Variants in BRIP1 observed in about 807,000 individuals in gnomAD.
BRIP1 encodes BRCA1 interacting DNA helicase 1.
A neutral mutation model predicts 119.7 loss-of-function variants in BRIP1; 88 were observed. That is an observed-to-expected ratio of 0.74 (90% confidence interval 0.62 to 0.88). The LOEUF (loss-of-function observed/expected upper bound fraction) is 0.88, where lower values mean the gene tolerates loss of function less well. Ranked by LOEUF, BRIP1 falls within the 40% of genes least tolerant of loss-of-function variation. BRIP1 has a pLI of 0.00. For synonymous variants in BRIP1, 443 were observed against 496.5 expected, an observed-to-expected ratio of 0.89 and a Z score of 1.43; for missense variants, 1,259 against 1,455.4, an observed-to-expected ratio of 0.87 and a Z score of 2.20.
intron 14 of BRIP1, among the ~76,000 whole-genome samples, chr17:61,765,815 A>G (rs932158025): frequency 1.5e-5 from 2 of 129,268 alleles, no homozygotes; most frequent in African/African-American, 6.3e-5. Context: ...AAGTACATAA[A>G]TGACTATATT....
rs1375764917 is a variant in BRIP1 at position 61,680,033 on chromosome 17, A to G, written c.*3263T>C. 6.6e-6 allele frequency among the ~76,000 whole-genome samples: 1 copy of G among 152,116 alleles called. No homozygotes were observed. The highest frequency in any genetic ancestry group is 2.4e-5 in the African/African-American group (1 of 41,424). On this transcript the variant is annotated 3_prime_UTR_variant, in exon 20 of 20. Coordinates refer to ENST00000259008, the MANE Select transcript of BRIP1 (RefSeq NM_032043.3). ...AAAATTTTTAACTTCAGGGAGAATT[A>G]AATTTTGGAAAGAATAAAAAATATC...
chr17:61,799,048 A>AT lies in BRIP1; in HGVS notation c.1340+51dup, dbSNP rs2077944423. 1 of 1,523,604 alleles carries AT rather than the reference A, an allele frequency of 6.6e-7. No homozygotes were observed. The highest frequency in any genetic ancestry group is 1.4e-5 in the African/African-American group (1 of 73,070). The allele number at this position is 1,523,604 out of a possible 1,614,324, so 94.4% of individuals were successfully genotyped here. On this transcript the variant is annotated intron_variant, in intron 9 of 19. Coordinates refer to ENST00000259008, the MANE Select transcript of BRIP1 (RefSeq NM_032043.3). This position sits in a 1 kb window ranked among gnomAD's most constrained non-coding sequence, Gnocchi z 5.1. ...TTTAAATACTCTGGCATAATCAAAC[A>AT]TATTTTTCATATAAAGGCAGCACAA...
At position 61,853,627 on chromosome 17, in the gene BRIP1, G is replaced by C. The variant is rs1033964231; in HGVS notation, c.379+3431C>G. On this transcript the variant is annotated intron_variant, in intron 4 of 19. Transcript: ENST00000259008. The surrounding 1 kb of genome is among the most constrained non-coding windows in gnomAD (Gnocchi z 4.3). ...AACTCATTGTTGATAAAGACACAAAGGCAATGTAGTGGATAAAGGATAGCC... is the reference window on the plus strand; with the variant it reads ...AACTCATTGTTGATAAAGACACAAACGCAATGTAGTGGATAAAGGATAGCC... Among the ~76,000 whole-genome samples, 4 of 152,056 alleles carry C rather than the reference G, an allele frequency of 2.6e-5. No homozygotes were observed. The highest frequency in any genetic ancestry group is 1.3e-4 in the Admixed American group (2 of 15,252).
chr17:61,859,701 G>A, intron 3 of BRIP1, 95 bp downstream of exon 3: 1 of 804,174 alleles, frequency 1.2e-6, no homozygotes, highest in South Asian at 1.4e-5. Flanking sequence ...ATTTAAGTTA[G>A]CGACAGCATG....
intron 3 of BRIP1, among the ~76,000 whole-genome samples, chr17:61,858,674 T>C (rs1471287942): frequency 6.6e-6 from 1 of 152,052 alleles, no homozygotes. Context: ...TGCCCAGCCT[T>C]AATATACTCT....
rs1064794095 is a variant in BRIP1, at chr17:61,780,346, A to G, written c.1850T>C (p.Leu617Ser). The G allele has an allele frequency of 1.9e-6, 3 of 1,610,748 alleles. No homozygotes were observed. The highest frequency in any genetic ancestry group is 1.1e-5 in the South Asian group (1 of 91,004). Residue 617 changes from leucine to serine, a missense_variant, in exon 13 of 20, where the codon TTA becomes TCA. By Grantham distance (145) the Leu-to-Ser change is moderately radical (BLOSUM62 -2). Around this residue, in one of 3 missense-constraint regions of BRIP1, gnomAD observed 753 missense variants for 891.8 expected, o/e 0.84. Transcript: ENST00000259008. This position sits in a 1 kb window ranked among gnomAD's most constrained non-coding sequence, Gnocchi z 5.4. ...TGACGAAAAGGATTTCATTGGTGATAATGTACCAGATGTCAAAACAATGGT... is the reference window on the plus strand; with the variant it reads ...TGACGAAAAGGATTTCATTGGTGATGATGTACCAGATGTCAAAACAATGGT... The part of the protein sequence containing the change: ...VQTIVLTSGT[L>S]SPMKSFSSEL...
Position 61,731,981 on chromosome 17 carries a change from C to CTTTTTTTTT in BRIP1, c.2379+11023_2379+11031dup, listed in dbSNP as rs71299809. ...TTTTCTTTTCTTTCTTTCTTTCTTT[C>CTTTTTTTTT]TTTTTTTTTTTTTTTTTTTTTTGAG... On this transcript the variant is annotated intron_variant, in intron 16 of 19. Transcript: ENST00000259008. Among the ~76,000 whole-genome samples, 338 of 83,026 alleles carry CTTTTTTTTT rather than the reference C, an allele frequency of 4.1e-3. 2 individuals are homozygous for CTTTTTTTTT. The highest frequency in any genetic ancestry group is 0.021 in the Middle Eastern group (2 of 96). The allele number at this position is 83,026 out of a possible 152,430, so 54.5% of individuals were successfully genotyped here. A position where few individuals can be genotyped will look rare whatever the true frequency, so the allele number is the denominator to read the frequency against.
rs1013209630 is a variant in BRIP1, at chr17:61,700,391, A to C, written c.2493-6879T>G. The stretch of plus-strand genomic sequence containing the variant: ...TTCTCGTAGGACAAGTTTGCTACAG[A>C]GTAATTCTCTTGGTTTTTGTTTATT... On this transcript the variant is annotated intron_variant, in intron 17 of 19. Coordinates refer to ENST00000259008, the MANE Select transcript of BRIP1 (RefSeq NM_032043.3). This position sits in a 1 kb window ranked among gnomAD's most constrained non-coding sequence, Gnocchi z 4.1. 2.0e-5 allele frequency among the ~76,000 whole-genome samples: 3 copies of C among 152,134 alleles called. No homozygotes were observed. Among genetic ancestry groups the C allele is most frequent in the African/African-American group, 7.2e-5 (3 of 41,428 alleles).
Position 61,693,438 on chromosome 17 carries a change from T to C in BRIP1, c.2567A>G (p.Tyr856Cys), listed in dbSNP as rs781556845. The C allele has an allele frequency of 3.7e-6, 6 of 1,612,758 alleles. No homozygotes were observed. In the African/African-American group the frequency reaches 6.7e-5, roughly 18 times the overall value. Residue 856 changes from tyrosine (Y) to cysteine (C), a missense_variant, in exon 18 of 20, where the codon TAT becomes TGT. Tyr to Cys is a radical substitution (Grantham distance 194). Around this residue, in one of 3 missense-constraint regions of BRIP1, gnomAD observed 753 missense variants for 891.8 expected, o/e 0.84. Transcript: ENST00000259008. The surrounding 1 kb of genome is among the most constrained non-coding windows in gnomAD (Gnocchi z 4.2). The part of the protein sequence containing the change: ...DDRFRNNPSR[Y>C]ISGLSKWVRQ... ...CCCAGCTGAGATCTTACCAGATATATAGCGACTTGGGTTATTCCTAAAGCG... is the reference window on the plus strand; with the variant it reads ...CCCAGCTGAGATCTTACCAGATATACAGCGACTTGGGTTATTCCTAAAGCG...
At position 61,784,434 on chromosome 17, in the gene BRIP1, A is replaced by G. The variant is rs1555603645; in HGVS notation, c.1474-10T>C. The G allele has an allele frequency of 6.2e-7, 1 of 1,609,388 alleles. No homozygotes were observed. Among genetic ancestry groups the G allele is most frequent in the Non-Finnish European group, 8.5e-7 (1 of 1,176,298 alleles). On this transcript the variant is annotated splice_polypyrimidine_tract_variant and intron_variant, in intron 10 of 19. Transcript: ENST00000259008. ...CAGCAGAAAAATGTCCCTATAAGAA[A>G]TTACCATATTAAGTATAGAGGGGTT...
chr17:61,743,271 A>G lies in BRIP1; in HGVS notation c.2258-137T>C. The stretch of plus-strand genomic sequence containing the variant: ...TCAAAATAAAACACTATTATGAGAT[A>G]AAGTTTTAAAAGTTCAATGTCTTTA... On this transcript the variant is annotated intron_variant, in intron 15 of 19. Coordinates refer to ENST00000259008, the MANE Select transcript of BRIP1 (RefSeq NM_032043.3). This position sits in a 1 kb window ranked among gnomAD's most constrained non-coding sequence, Gnocchi z 4.3. 8.7e-7 allele frequency: 1 copy of G among 1,145,300 alleles called. No individual in the cohort carries two copies. Among genetic ancestry groups the G allele is most frequent in the Non-Finnish European group, 1.2e-6 (1 of 801,026 alleles). 70.9% of individuals were successfully genotyped at this position (1,145,300 alleles called of 1,614,324 possible). A position where few individuals can be genotyped will look rare whatever the true frequency, so the allele number is the denominator to read the frequency against.
Position 61,691,767 on chromosome 17 carries a change from A to T in BRIP1, c.2575+1663T>A, listed in dbSNP as rs2061449871. Among the ~76,000 whole-genome samples, 1 of 152,160 alleles carries T rather than the reference A, an allele frequency of 6.6e-6. No homozygotes were observed. ...CCATGCCCGGCTGCAATCTAAATTC[A>T]TATGGAACCACAAAGGACCACAAAT... is the stretch of plus-strand genomic sequence containing the variant. On this transcript the variant is annotated intron_variant, in intron 18 of 19. Transcript: ENST00000259008. The surrounding 1 kb of genome is among the most constrained non-coding windows in gnomAD (Gnocchi z 5.0).
In BRIP1 at chr17:61,805,177, T is replaced by C. The variant is rs1433106072; in HGVS notation, c.918+3290A>G. 1.3e-5 allele frequency among the ~76,000 whole-genome samples: 2 copies of C among 152,146 alleles called. No homozygotes were observed. Among genetic ancestry groups the C allele is most frequent in the Non-Finnish European group, 2.9e-5 (2 of 68,036 alleles). On this transcript the variant is annotated intron_variant, in intron 7 of 19. Coordinates refer to ENST00000259008, the MANE Select transcript of BRIP1 (RefSeq NM_032043.3). The surrounding 1 kb of genome is among the most constrained non-coding windows in gnomAD (Gnocchi z 5.6). Reference sequence around the variant, plus strand: ...CAATACATACACAAATGTATCTAGATATTGCTAGAAACAAAGTAAACCATA... The same window carrying C: ...CAATACATACACAAATGTATCTAGACATTGCTAGAAACAAAGTAAACCATA...
chr17:61,705,980 C>T lies in BRIP1; in HGVS notation c.2492+9971G>A, dbSNP rs2061685127. On this transcript the variant is annotated intron_variant, in intron 17 of 19. Coordinates refer to ENST00000259008, the MANE Select transcript of BRIP1 (RefSeq NM_032043.3). This position sits in a 1 kb window ranked among gnomAD's most constrained non-coding sequence, Gnocchi z 5.0. ...GTCATCTATATCTTTATTAGTTTGT[C>T]TACTAGTTCTGTTATTGAGAGGAAT... Among the ~76,000 whole-genome samples the T allele has an allele frequency of 6.6e-6, 1 of 152,074 alleles. No individual in the cohort carries two copies. The highest frequency in any genetic ancestry group is 2.1e-4 in the South Asian group (1 of 4,834).
At chr17:61,772,209 A>AT (rs1567804821) in intron 14 of BRIP1, among the ~76,000 whole-genome samples, 26 of 104,124 alleles carry the variant, frequency 2.5e-4, no homozygotes, top group Admixed American at 1.3e-3. Flanking sequence ...ATATATATAT[A>AT]AAATGAAATA....
chr17:61,791,016 C>A (rs2145214468), intron 10 of BRIP1, among the ~76,000 whole-genome samples: 1 of 152,236 alleles, frequency 6.6e-6, no homozygotes, highest in South Asian at 2.1e-4. Context: ...AAAATTCTTA[C>A]AATAGATACC....
chr17:61,830,819 TACAGA>T (rs2078482533), intron 6 of BRIP1, among the ~76,000 whole-genome samples: 1 of 152,162 alleles, frequency 6.6e-6, no homozygotes, highest in Non-Finnish European at 1.5e-5. Context: ...ATAAAGACAT[TACAGA>T]AAACTATAGA....
rs1217856642 is a variant in BRIP1, at chr17:61,736,725, G to C, written c.2379+6288C>G. On this transcript the variant is annotated intron_variant, in intron 16 of 19. Transcript: ENST00000259008. This position sits in a 1 kb window ranked among gnomAD's most constrained non-coding sequence, Gnocchi z 4.4. Reference sequence around the variant, plus strand: ...ACATTTATTAAACACTGTGTTTTTAGGTAATATCTTAGTTGTAGAGACACA... The same window carrying C: ...ACATTTATTAAACACTGTGTTTTTACGTAATATCTTAGTTGTAGAGACACA... Among the ~76,000 whole-genome samples, 4 of 152,062 alleles carry C rather than the reference G, an allele frequency of 2.6e-5. No individual in the cohort carries two copies. Among genetic ancestry groups the C allele is most frequent in the African/African-American group, 7.2e-5 (3 of 41,412 alleles).
At chr17:61,787,202 AAT>A (rs1356454467) in intron 10 of BRIP1, among the ~76,000 whole-genome samples, 4 of 68,482 alleles carry the variant, frequency 5.8e-5, no homozygotes, top group South Asian at 6.5e-4. Context: ...TACTATATAA[AAT>A]ATATAAAAAT....
Sources: gnomAD v4.1 joint callset for allele counts (sites outside exome capture counted in the v4.1 genomes callset) on GRCh38, gnomAD v4.1.1 for gene constraint, gnomAD v4.1.1 regional missense constraint, Gnocchi (gnomAD v3.1) non-coding constraint, MANE v1.5 for transcripts, NCBI Gene and HGNC (gene_info 2026-07-23, HGNC 2026-07-21) for gene names.